Variants in MIR2052HG observed in about 807,000 individuals in gnomAD.
MIR2052HG encodes MIR2052 host gene.
intron 2 of MIR2052HG, among the ~76,000 whole-genome samples, chr8:74,623,607 A>G (rs967882625): frequency 6.6e-6 from 1 of 152,246 alleles, no homozygotes; most frequent in African/African-American, 2.4e-5. Context: ...CACATCTTTC[A>G]GTGGAGTCAG....
chr8:74,668,331 C>G (rs769583827), intron 2 of MIR2052HG, among the ~76,000 whole-genome samples: 2 of 152,042 alleles, frequency 1.3e-5, no homozygotes, highest in Non-Finnish European at 2.9e-5. Flanking sequence ...TGTACACACA[C>G]ACACACATTT....
intron 2 of MIR2052HG, among the ~76,000 whole-genome samples, chr8:74,695,413 T>C (rs1432663377): frequency 2.6e-5 from 4 of 151,948 alleles, no homozygotes; most frequent in Non-Finnish European, 4.4e-5. Flanking sequence ...AAAACCAAGG[T>C]ATTTGGGCAA....
intron 2 of MIR2052HG, among the ~76,000 whole-genome samples, chr8:74,643,911 A>G (rs1808665511): frequency 6.6e-6 from 1 of 152,226 alleles, no homozygotes; most frequent in Non-Finnish European, 1.5e-5. Flanking sequence ...AAACACTTTC[A>G]TTAGAACAGA....
At chr8:74,694,497 C>T (rs1418889851) in intron 2 of MIR2052HG, among the ~76,000 whole-genome samples, 5 of 152,114 alleles carry the variant, frequency 3.3e-5, no homozygotes, top group Admixed American at 3.3e-4. Context: ...GCAATGGATC[C>T]AAACCAAGAA....
intron 4 of MIR2052HG, among the ~76,000 whole-genome samples, chr8:74,732,994 TC>T (rs1809708935): frequency 6.6e-6 from 1 of 152,156 alleles, no homozygotes. Flanking sequence ...TTTTACAAAT[TC>T]TACTCTGGTT....
At chr8:74,664,286 G>GA (rs1158136770) in intron 2 of MIR2052HG, among the ~76,000 whole-genome samples, 16 of 149,792 alleles carry the variant, frequency 1.1e-4, no homozygotes, top group South Asian at 6.3e-4. Context: ...TTAAAAAAAA[G>GA]AAAAAAAAAG....
intron 2 of MIR2052HG, among the ~76,000 whole-genome samples, chr8:74,653,023 C>T (rs1243390465): frequency 6.6e-6 from 1 of 152,160 alleles, no homozygotes; most frequent in African/African-American, 2.4e-5. Flanking sequence ...TTTATCCTTA[C>T]CTTATTCTGT....
chr8:74,708,195 C>A (rs1809430172), intron 4 of MIR2052HG, among the ~76,000 whole-genome samples: 1 of 152,166 alleles, frequency 6.6e-6, no homozygotes, highest in Non-Finnish European at 1.5e-5. Flanking sequence ...TGAACCCACT[C>A]ACAGGATCTT....
Position 74,718,759 on chromosome 8 carries a change from G to C in MIR2052HG, n.371+15077G>C, listed in dbSNP as rs1392071531. Among the ~76,000 whole-genome samples, 5 of 152,274 alleles carry C rather than the reference G, an allele frequency of 3.3e-5. No homozygotes were observed. In the East Asian group the frequency reaches 7.7e-4, roughly 24 times the overall value. Reference sequence around the variant, plus strand: ...TCTGGGTTGCGACTGTCAACTTCTTGTTGTATCCTTACATGGTGGAAGAAG... The same window carrying C: ...TCTGGGTTGCGACTGTCAACTTCTTCTTGTATCCTTACATGGTGGAAGAAG... On this transcript the variant is annotated intron_variant and non_coding_transcript_variant, in intron 4 of 6. Transcript: ENST00000523442.
intron 4 of MIR2052HG, among the ~76,000 whole-genome samples, chr8:74,737,691 C>A (rs1344524245): frequency 6.6e-6 from 1 of 152,142 alleles, no homozygotes; most frequent in Non-Finnish European, 1.5e-5. Context: ...GATTCATGAG[C>A]CCACAACCTG....
intron 1 of MIR2052HG, chr8:74,603,734 G>T: frequency 1.1e-6 from 1 of 872,952 alleles, no homozygotes; most frequent in Admixed American, 1.7e-5. Flanking sequence ...ACGCCCTTCG[G>T]GGGGGACTCC....
rs552672741 is a variant in MIR2052HG, at chr8:74,750,901, A to T, written n.372-1540A>T. Among the ~76,000 whole-genome samples, 15 of 152,334 alleles carry T rather than the reference A, an allele frequency of 9.8e-5. No homozygotes were observed. The South Asian group carries it at 2.5e-3, about 25-fold the overall frequency. ...CAAAAATTTATCTAGCACTATATTT[A>T]CTATCTCTATAGAGGGGATGAAGGA... On this transcript the variant is annotated intron_variant and non_coding_transcript_variant, in intron 4 of 6. Transcript: ENST00000523442.
intron 4 of MIR2052HG, among the ~76,000 whole-genome samples, chr8:74,720,421 T>C (rs944251748): frequency 2.0e-5 from 3 of 152,318 alleles, no homozygotes; most frequent in Non-Finnish European, 2.9e-5. Context: ...ATTCTAAATT[T>C]TCTTAATTGT....
chr8:74,650,589 G>A (rs1286237195), intron 2 of MIR2052HG, among the ~76,000 whole-genome samples: 3 of 152,160 alleles, frequency 2.0e-5, no homozygotes, highest in African/African-American at 4.8e-5. Context: ...TGGTGCGATA[G>A]ATGAGTATGG....
intron 2 of MIR2052HG, among the ~76,000 whole-genome samples, chr8:74,669,202 G>T (rs192846428): frequency 1.3e-5 from 2 of 152,082 alleles, no homozygotes; most frequent in Non-Finnish European, 2.9e-5. Context: ...TACACTGCTC[G>T]ATGAATATCA....
intron 4 of MIR2052HG, among the ~76,000 whole-genome samples, chr8:74,705,195 T>C (rs1189561867): frequency 6.6e-6 from 1 of 152,064 alleles, no homozygotes; most frequent in Non-Finnish European, 1.5e-5. Flanking sequence ...GAAAACCCAG[T>C]TTAGGGACAT....
chr8:74,616,966 T>G (rs1808291090), intron 2 of MIR2052HG, among the ~76,000 whole-genome samples: 2 of 150,198 alleles, frequency 1.3e-5, no homozygotes, highest in Admixed American at 1.3e-4. Context: ...AAAAAAAGAT[T>G]AAAAAAAAAA....
At chr8:74,723,504 C>T (rs1375441723) in intron 4 of MIR2052HG, among the ~76,000 whole-genome samples, 1 of 151,938 alleles carries the variant, frequency 6.6e-6, no homozygotes, top group East Asian at 1.9e-4. Flanking sequence ...AGCTCTGTGC[C>T]TTAGGGAATA....
intron 4 of MIR2052HG, among the ~76,000 whole-genome samples, chr8:74,710,201 A>G (rs1253148263): frequency 6.6e-6 from 1 of 152,174 alleles, no homozygotes; most frequent in Non-Finnish European, 1.5e-5. Flanking sequence ...AAGAAGGAGT[A>G]AGCAGGCATA....
Sources: gnomAD v4.1 joint callset for allele counts (sites outside exome capture counted in the v4.1 genomes callset) on GRCh38, gnomAD v4.1.1 for gene constraint, MANE v1.5 for transcripts, NCBI Gene and HGNC (gene_info 2026-07-23, HGNC 2026-07-21) for gene names.